Variants in DIAPH2 observed in about 807,000 individuals in gnomAD.
DIAPH2 encodes the protein protein diaphanous homolog 2.
In DIAPH2, 35 loss-of-function variants were observed where a neutral mutation model predicts 92.7. The observed-to-expected ratio is 0.38, with a 90% confidence interval of 0.29 to 0.50. The LOEUF (loss-of-function observed/expected upper bound fraction) is 0.50. Ranked by LOEUF, DIAPH2 falls within the 20% of genes least tolerant of loss-of-function variation. The pLI, the probability that DIAPH2 is intolerant of heterozygous loss-of-function variation, is 0.94. For synonymous variants in DIAPH2, 301 were observed against 280.4 expected (o/e 1.07, Z -0.73); for missense variants, 701 against 819.5 (o/e 0.86, Z 1.77).
chrX:96,845,937 C>T (rs561102964), intron 4 of DIAPH2, among the ~76,000 whole-genome samples: 22 of 110,185 alleles, frequency 2.0e-4, no homozygotes, highest in Middle Eastern at 4.7e-3. Context: ...CATGCCACCA[C>T]GCCCAGTTAA....
chrX:96,990,855 TTTCTC>T (rs892042430), intron 17 of DIAPH2, among the ~76,000 whole-genome samples: 6 of 111,285 alleles, frequency 5.4e-5, no homozygotes, highest in African/African-American at 2.0e-4. Context: ...CTTTCTCTCT[TTTCTC>T]AGTAACCCCT....
intron 23 of DIAPH2, among the ~76,000 whole-genome samples, chrX:97,253,886 C>T (rs1483141963): frequency 1.8e-5 from 2 of 111,868 alleles, no homozygotes; most frequent in African/African-American, 6.5e-5. Context: ...GGAGAGAGAC[C>T]TTACTATACA....
At chrX:96,923,634 G>A in intron 9 of DIAPH2, among the ~76,000 whole-genome samples, 1 of 111,588 alleles carries the variant, frequency 9.0e-6, no homozygotes, top group Middle Eastern at 4.6e-3. Flanking sequence ...GGTTGGGAGA[G>A]AGTTTATTCC....
At chrX:97,106,678 A>G (rs2066943198) in intron 20 of DIAPH2, among the ~76,000 whole-genome samples, 1 of 111,450 alleles carries the variant, frequency 9.0e-6, no homozygotes, top group Non-Finnish European at 1.9e-5. Context: ...TCATGCCTGT[A>G]ATCCCAACAC....
intron 15 of DIAPH2, among the ~76,000 whole-genome samples, chrX:96,955,424 C>T (rs867527227): frequency 2.7e-5 from 3 of 111,561 alleles, no homozygotes; most frequent in African/African-American, 9.8e-5. Flanking sequence ...ATCATTCCAC[C>T]CTTAGCCCTT....
chrX:97,095,870 T>C (rs2066865232), intron 19 of DIAPH2, among the ~76,000 whole-genome samples: 1 of 112,455 alleles, frequency 8.9e-6, no homozygotes, highest in South Asian at 3.7e-4. Flanking sequence ...AAGAAAACTC[T>C]GCTCAATCAA....
intron 22 of DIAPH2, among the ~76,000 whole-genome samples, chrX:97,150,580 A>G (rs948432293): frequency 9.0e-6 from 1 of 111,271 alleles, no homozygotes; most frequent in Non-Finnish European, 1.9e-5. Context: ...TGTCCTTTTG[A>G]GCCTCATGTA....
chrX:97,059,629 A>G (rs200492408), intron 17 of DIAPH2, among the ~76,000 whole-genome samples: 1 of 112,652 alleles, frequency 8.9e-6, no homozygotes, highest in Non-Finnish European at 1.9e-5. Context: ...TGTATTTTAC[A>G]TGTGTTACAT....
At chrX:97,253,293 A>AAAAATAAAATAAAAT (rs60254229) in intron 23 of DIAPH2, among the ~76,000 whole-genome samples, 45,607 of 91,633 alleles carry the variant, frequency 0.5, 9,864 homozygotes, top group Non-Finnish European at 0.62. Context: ...CTCCGTAAAA[A>AAAAATAAAATAAAAT]AAAATAAAAT....
chrX:96,868,901 A>G (rs371586975), intron 4 of DIAPH2, among the ~76,000 whole-genome samples: 1 of 111,987 alleles, frequency 8.9e-6, no homozygotes, highest in East Asian at 2.8e-4. Flanking sequence ...CAGAGAATAT[A>G]GTGAATGTGT....
At chrX:97,185,467 A>G (rs868306947) in intron 22 of DIAPH2, among the ~76,000 whole-genome samples, 18 of 29,774 alleles carry the variant, frequency 6.0e-4, no homozygotes, top group East Asian at 3.3e-3. Flanking sequence ...ATATATATAT[A>G]TATACACATA....
intron 24 of DIAPH2, among the ~76,000 whole-genome samples, chrX:97,369,549 T>C (rs1281770579): frequency 2.7e-5 from 3 of 109,276 alleles, no homozygotes; most frequent in Admixed American, 1.0e-4. Context: ...CCTTTTTTTG[T>C]TTGTGTTGCT....
At chrX:97,344,383 C>G (rs998316570) in intron 23 of DIAPH2, among the ~76,000 whole-genome samples, 3 of 111,882 alleles carry the variant, frequency 2.7e-5, no homozygotes, top group African/African-American at 9.7e-5. Context: ...GCACTCCAGC[C>G]TGAGTAACAG....
intron 17 of DIAPH2, among the ~76,000 whole-genome samples, chrX:97,053,453 AC>A (rs1261728475): frequency 5.4e-5 from 6 of 111,665 alleles, no homozygotes; most frequent in African/African-American, 2.0e-4. Context: ...TCTTACATGG[AC>A]ATGTGACATC....
At chrX:96,957,665 C>T (rs1013308215) in intron 15 of DIAPH2, among the ~76,000 whole-genome samples, 163 bp from the exon 16 acceptor site, 1 of 110,897 alleles carries the variant, frequency 9.0e-6, no homozygotes, top group African/African-American at 3.3e-5. Flanking sequence ...CTGTTAAACC[C>T]TTAGATCTTG....
intron 4 of DIAPH2, among the ~76,000 whole-genome samples, chrX:96,770,055 G>A (rs1309374288): frequency 9.0e-6 from 1 of 110,756 alleles, no homozygotes; most frequent in Non-Finnish European, 1.9e-5. Flanking sequence ...AAAATTAGCT[G>A]GGCCTGGTGG....
chrX:96,971,784 A>G (rs769385416), intron 17 of DIAPH2, among the ~76,000 whole-genome samples: 3 of 111,833 alleles, frequency 2.7e-5, no homozygotes, highest in Non-Finnish European at 5.6e-5. Context: ...TACTTTTACT[A>G]AAATTTACTT....
intron 22 of DIAPH2, among the ~76,000 whole-genome samples, chrX:97,219,618 A>G (rs1459552932): frequency 2.7e-5 from 3 of 112,132 alleles, no homozygotes; most frequent in Non-Finnish European, 3.8e-5. Context: ...ATTCTCAGGT[A>G]AAATTATAAT....
At chrX:96,865,513 G>A (rs1454603112) in intron 4 of DIAPH2, among the ~76,000 whole-genome samples, 1 of 111,885 alleles carries the variant, frequency 8.9e-6, no homozygotes, top group Non-Finnish European at 1.9e-5. Context: ...GTGTTTGAGT[G>A]CCAGATAAGA....
Sources: gnomAD v4.1 joint callset for allele counts (sites outside exome capture counted in the v4.1 genomes callset) on GRCh38, gnomAD v4.1.1 for gene constraint, MANE v1.5 for transcripts, NCBI Gene and HGNC (gene_info 2026-07-23, HGNC 2026-07-21) for gene names.